NIN: variants seen among roughly 807,000 people sequenced by gnomAD.
The protein encoded by NIN is ninein.
A neutral mutation model predicts 257.6 loss-of-function variants in NIN; 137 were observed. That is an observed-to-expected ratio of 0.53 (90% confidence interval 0.46 to 0.61). The LOEUF (loss-of-function observed/expected upper bound fraction) is 0.61, where lower values mean the gene tolerates loss of function less well. Among genes scored for constraint, NIN ranks in the 20% least tolerant of loss-of-function variants. The pLI is 0.00. For synonymous variants in NIN, 918 were observed against 919.8 expected (o/e 1.00, Z 0.04); for missense variants, 2,439 against 2,501.2 (o/e 0.98, Z 0.53).
At chr14:50,726,104 C>T (rs2040400760) in intron 29 of NIN, 38 bp from the exon 30 acceptor site, 5 of 1,505,418 alleles carry the variant, frequency 3.3e-6, no homozygotes, top group Non-Finnish European at 4.6e-6. Context: ...AAAATCATGT[C>T]ACACTGAAAA....
intron 8 of NIN, 55 bp from the exon 9 acceptor site, chr14:50,772,523 A>T: frequency 6.4e-7 from 1 of 1,560,216 alleles, no homozygotes; most frequent in Non-Finnish European, 8.8e-7. Flanking sequence ...CATTTCAACA[A>T]GATATTGGTC....
At chr14:50,812,184 C>G (rs546655155) in intron 3 of NIN, among the ~76,000 whole-genome samples, 17 of 152,120 alleles carry the variant, frequency 1.1e-4, no homozygotes, top group Non-Finnish European at 2.4e-4. Flanking sequence ...ACGATATTAT[C>G]GTAGGTTCAT....
intron 22 of NIN, 138 bp downstream of exon 22, chr14:50,747,854 A>AGGTT: frequency 1.6e-6 from 1 of 616,992 alleles, no homozygotes. Context: ...AACTTTGCCA[A>AGGTT]GCAGTATGTC....
At chr14:50,775,456 C>T (rs1333041823) in intron 7 of NIN, among the ~76,000 whole-genome samples, 5 of 152,048 alleles carry the variant, frequency 3.3e-5, no homozygotes, top group Non-Finnish European at 4.4e-5. Flanking sequence ...TCTAAAATGG[C>T]GTTCAGTTGT....
At chr14:50,788,955 G>A (rs1330923086) in intron 5 of NIN, among the ~76,000 whole-genome samples, 1 of 152,134 alleles carries the variant, frequency 6.6e-6, no homozygotes, top group Non-Finnish European at 1.5e-5. Context: ...GTCATTTGAG[G>A]AAAAATCAGG....
At chr14:50,824,052 T>C (rs2045353582) in intron 2 of NIN, among the ~76,000 whole-genome samples, 1 of 152,206 alleles carries the variant, frequency 6.6e-6, no homozygotes, top group African/African-American at 2.4e-5. Context: ...TTAGTCTCAC[T>C]CTGAGTTTTA....
At position 50,771,362 on chromosome 14, in the gene NIN, G is replaced by A. The variant is rs779360799; in HGVS notation, c.1088C>T (p.Ala363Val). ...TKNSIHQAAL[A>V]SFKAEIRHLL... is the part of the protein sequence containing the mutation. ...ATGCCGGATTTCAGCCTTAAAGCTGGCCAGAGCCGCCTGGTGAATGCTGTT... is the reference window on the plus strand; with the variant it reads ...ATGCCGGATTTCAGCCTTAAAGCTGACCAGAGCCGCCTGGTGAATGCTGTT... Residue 363 changes from alanine (A) to valine (V), a missense_variant, in exon 10 of 31, where the codon GCC becomes GTC. By Grantham distance (64) the Ala-to-Val change is moderately conservative (BLOSUM62 0). Around this residue, in one of 3 missense-constraint regions of NIN, gnomAD observed 9 missense variants for 23.7 expected, o/e 0.38. Coordinates refer to ENST00000530997, the MANE Select transcript of NIN (RefSeq NM_020921.4). 6.2e-7 allele frequency: 1 copy of A among 1,614,138 alleles called. No homozygotes were observed. The highest frequency in any genetic ancestry group is 1.7e-5 in the Admixed American group (1 of 60,028).
rs531886809 is a variant in NIN at position 50,722,884 on chromosome 14, G to T, written c.*579C>A. The T allele has an allele frequency of 2.0e-3, 426 of 213,214 alleles. No homozygotes were observed. Among genetic ancestry groups the T allele is most frequent in the Non-Finnish European group, 2.7e-3 (280 of 105,352 alleles). 13.2% of individuals were successfully genotyped at this position (213,214 alleles called of 1,614,324 possible). A position where few individuals can be genotyped will look rare whatever the true frequency, so the allele number is the denominator to read the frequency against. Reference sequence around the variant, plus strand: ...GAAGAGTGGTAATACTGTCACAGGTGTTAGAAGGTTAGAATTCTACAGATT... The same window carrying T: ...GAAGAGTGGTAATACTGTCACAGGTTTTAGAAGGTTAGAATTCTACAGATT... On this transcript the variant is annotated 3_prime_UTR_variant, in exon 31 of 31. Coordinates refer to ENST00000530997, the MANE Select transcript of NIN (RefSeq NM_020921.4).
At chr14:50,770,762 C>G in intron 11 of NIN, 90 bp downstream of exon 11, 1 of 1,465,986 alleles carries the variant, frequency 6.8e-7, no homozygotes, top group Non-Finnish European at 9.1e-7. Context: ...AGAAGAGTCC[C>G]CAGTGCACTG....
rs753555121 is a variant in NIN at position 50,757,916 on chromosome 14, C to G, written c.3114G>C (p.Val1038=). ...CTCCTTCCACCTCCTCCTCTCCTAT[C>G]ACCTGGCAACCACTCTGAAGCATTG... ...PLSMLQSGCQ[V]IGEEEVEGDG... Residue 1038 remains valine (V), a synonymous_variant, in exon 18 of 31, where the codon GTG becomes GTC. Coordinates refer to ENST00000530997, the MANE Select transcript of NIN (RefSeq NM_020921.4). 6.2e-6 allele frequency: 10 copies of G among 1,614,084 alleles called. No individual in the cohort carries two copies. The Admixed American group carries it at 1.7e-4, about 27-fold the overall frequency.
chr14:50,733,837 T>C (rs1038372801), intron 28 of NIN, among the ~76,000 whole-genome samples: 2 of 152,198 alleles, frequency 1.3e-5, no homozygotes, highest in African/African-American at 4.8e-5. Flanking sequence ...ATTCATTATA[T>C]TGCTGTTAAA....
chr14:50,804,371 C>G (rs2044229420), intron 4 of NIN, among the ~76,000 whole-genome samples: 1 of 152,162 alleles, frequency 6.6e-6, no homozygotes. Flanking sequence ...AAAGCACAGG[C>G]TCAATCCTAG....
chr14:50,723,450 C>A lies in NIN; in HGVS notation c.*13G>T, dbSNP rs2040307801. ...AGTAAAGTGCACAAATATGAGTGTA[C>A]CCTTTGGTTTGGCTATGACCTCAAA... On this transcript the variant is annotated 3_prime_UTR_variant, in exon 31 of 31. Coordinates refer to ENST00000530997, the MANE Select transcript of NIN (RefSeq NM_020921.4). 3 of 1,606,096 alleles carry A rather than the reference C, an allele frequency of 1.9e-6. No individual in the cohort carries two copies. In the South Asian group the frequency reaches 3.3e-5, roughly 18 times the overall value.
chr14:50,757,474 T>C lies in NIN; in HGVS notation c.3556A>G (p.Ser1186Gly), dbSNP rs975290574. Reference protein sequence around the residue: ...SVEGFSELENSEETRTESWEL... With the variant: ...SVEGFSELENGEETRTESWEL... ...CAGGATTCAGTCCTGGTCTCTTCAC[T>C]GTTTTCAAGCTCAGAAAAACCCTCT... The change falls in exon 18 of 31, where the codon AGT (serine) becomes GGT (glycine). Residue 1186 changes from serine (S) to glycine (G), a missense_variant. By Grantham distance (56) the Ser-to-Gly change is moderately conservative. Coordinates refer to ENST00000530997, the MANE Select transcript of NIN (RefSeq NM_020921.4). The C allele has an allele frequency of 1.9e-6, 3 of 1,614,018 alleles. No individual in the cohort carries two copies. The African/African-American group carries it at 4.0e-5, about 22-fold the overall frequency.
chr14:50,817,762 C>T (rs543978631), intron 3 of NIN, among the ~76,000 whole-genome samples: 1 of 152,252 alleles, frequency 6.6e-6, no homozygotes, highest in South Asian at 2.1e-4. Flanking sequence ...TGTCGCCAGG[C>T]TGGAGTACAA....
intron 3 of NIN, among the ~76,000 whole-genome samples, chr14:50,814,638 C>G (rs1262111959): frequency 6.6e-6 from 1 of 152,220 alleles, no homozygotes; most frequent in East Asian, 1.9e-4. Flanking sequence ...CCACTTCAAA[C>G]TGTACTACAA....
intron 28 of NIN, among the ~76,000 whole-genome samples, chr14:50,731,611 G>A (rs573387037): frequency 8.6e-5 from 13 of 151,924 alleles, no homozygotes; most frequent in African/African-American, 3.1e-4. Context: ...CAAGGCAGGT[G>A]GATCACGAGG....
chr14:50,776,762 T>C (rs926561636), intron 7 of NIN, among the ~76,000 whole-genome samples, 187 bp downstream of exon 7: 1 of 152,200 alleles, frequency 6.6e-6, no homozygotes, highest in Non-Finnish European at 1.5e-5. Context: ...TGTCAGCTCT[T>C]GTCAGTTTTT....
At chr14:50,750,529 G>T (rs2041741772) in intron 21 of NIN, among the ~76,000 whole-genome samples, 1 of 152,160 alleles carries the variant, frequency 6.6e-6, no homozygotes, top group South Asian at 2.1e-4. Context: ...CCTCTTATGA[G>T]AATCCTGTTT....
Sources: gnomAD v4.1 joint callset for allele counts (sites outside exome capture counted in the v4.1 genomes callset) on GRCh38, gnomAD v4.1.1 for gene constraint, gnomAD v4.1.1 regional missense constraint, MANE v1.5 for transcripts, NCBI Gene and HGNC (gene_info 2026-07-23, HGNC 2026-07-21) for gene names.